STRN: variants seen among roughly 807,000 people sequenced by gnomAD.
STRN encodes protein phosphatase 2 regulatory subunit B'''alpha.
Under a neutral mutation model 96.3 loss-of-function variants are expected in STRN, and 53 were observed. That is an observed-to-expected ratio of 0.55 (90% confidence interval 0.44 to 0.69). The LOEUF is 0.69. Among genes scored for constraint, STRN ranks in the 30% least tolerant of loss-of-function variants. The probability of loss-of-function intolerance (pLI) is 0.00; values close to 1 mark genes in which losing one functional copy is unlikely to be tolerated. For synonymous variants in STRN, 428 were observed against 355.9 expected (o/e 1.20, Z -2.28); for missense variants, 987 against 963.9 (o/e 1.02, Z -0.32).
Position 36,877,889 on chromosome 2 carries a change from A to C in STRN, c.1323+2T>G. 1.9e-6 allele frequency: 3 copies of C among 1,612,584 alleles called. No homozygotes were observed. Among genetic ancestry groups the C allele is most frequent in the Non-Finnish European group, 2.5e-6 (3 of 1,179,604 alleles). On this transcript the variant is annotated splice_donor_variant, in intron 10 of 17. Transcript: ENST00000263918. LOFTEE classifies it high-confidence loss of function. Reference sequence around the variant, plus strand: ...CACAACAAAAACAAAACTACTACTTACATCATAAGTTAGTGAGTCTGCTTC... The same window carrying C: ...CACAACAAAAACAAAACTACTACTTCCATCATAAGTTAGTGAGTCTGCTTC...
intron 1 of STRN, among the ~76,000 whole-genome samples, chr2:36,958,556 G>A (rs1434237714): frequency 6.6e-6 from 1 of 152,066 alleles, no homozygotes; most frequent in Non-Finnish European, 1.5e-5. Context: ...CAACTGAAGA[G>A]AAAATTAATG....
intron 1 of STRN, among the ~76,000 whole-genome samples, chr2:36,942,179 T>C (rs1670862240): frequency 6.6e-6 from 1 of 152,184 alleles, no homozygotes; most frequent in South Asian, 2.1e-4. Context: ...ACAGACCTTT[T>C]TGTTGCTTTT....
chr2:36,861,017 G>A (rs1039089672), intron 13 of STRN, 115 bp downstream of exon 13: 8 of 1,220,800 alleles, frequency 6.6e-6, no homozygotes, highest in Non-Finnish European at 7.8e-6. Flanking sequence ...TAAAGATGTG[G>A]TTCTCTTTAC....
In STRN at chr2:36,839,478, A is replaced by T. The variant is rs767655247; in HGVS notation, c.*9978T>A. On this transcript the variant is annotated 3_prime_UTR_variant, in exon 18 of 18. Coordinates refer to ENST00000263918, the MANE Select transcript of STRN (RefSeq NM_003162.4). ...TAGAAGCTATCAGGAGTGTGACCGAACTACATGACCAGAAGTCTGTATTCA... is the reference window on the plus strand; with the variant it reads ...TAGAAGCTATCAGGAGTGTGACCGATCTACATGACCAGAAGTCTGTATTCA... Among the ~76,000 whole-genome samples, 3 of 152,174 alleles carry T rather than the reference A, an allele frequency of 2.0e-5. No homozygotes were observed. The highest frequency in any genetic ancestry group is 4.4e-5 in the Non-Finnish European group (3 of 68,036).
rs528657709 is a variant in STRN, at chr2:36,938,632, G to C, written c.235-13424C>G. Among the ~76,000 whole-genome samples, 73 of 152,222 alleles carry C rather than the reference G, an allele frequency of 4.8e-4. 1 individual carries two copies. The highest frequency in any genetic ancestry group is 4.3e-3 in the Admixed American group (65 of 15,286). ...AAAAGTGGTCTGCAGCGTTTTTACA[G>C]TGTTGTCAAACTTCAAGGTTATTAA... On this transcript the variant is annotated intron_variant, in intron 1 of 17. Coordinates refer to ENST00000263918, the MANE Select transcript of STRN (RefSeq NM_003162.4).
chr2:36,889,683 TCA>T (rs1469436045), intron 7 of STRN, among the ~76,000 whole-genome samples: 5 of 152,088 alleles, frequency 3.3e-5, no homozygotes, highest in Admixed American at 6.6e-5. Context: ...GTTTAAATGT[TCA>T]CTCAATTAGA....
At chr2:36,869,034 G>A (rs1330347423) in intron 11 of STRN, among the ~76,000 whole-genome samples, 2 of 152,218 alleles carry the variant, frequency 1.3e-5, no homozygotes, top group Non-Finnish European at 2.9e-5. Flanking sequence ...AGCACTAGCA[G>A]TCATGTTAGC....
intron 7 of STRN, among the ~76,000 whole-genome samples, chr2:36,891,968 C>CA (rs1266514424): frequency 1.3e-5 from 2 of 151,314 alleles, no homozygotes; most frequent in African/African-American, 4.9e-5. Flanking sequence ...AGAAATATAC[C>CA]AAAAAAATAG....
At chr2:36,937,979 C>T (rs1670749108) in intron 1 of STRN, among the ~76,000 whole-genome samples, 1 of 151,974 alleles carries the variant, frequency 6.6e-6, no homozygotes, top group South Asian at 2.1e-4. Flanking sequence ...AGCAAATAGG[C>T]TATGATCACA....
intron 3 of STRN, among the ~76,000 whole-genome samples, chr2:36,906,697 G>A (rs1023799918): frequency 1.4e-4 from 21 of 151,566 alleles, no homozygotes; most frequent in Admixed American, 5.9e-4. Flanking sequence ...AGGCCGAAGC[G>A]GGTGGATCAC....
At chr2:36,871,509 A>T (rs775275433) in intron 10 of STRN, among the ~76,000 whole-genome samples, 1 of 152,202 alleles carries the variant, frequency 6.6e-6, no homozygotes, top group Non-Finnish European at 1.5e-5. Flanking sequence ...ACAACAATGA[A>T]ATCACCTAAT....
chr2:36,885,880 A>C (rs1669209140), intron 8 of STRN, among the ~76,000 whole-genome samples: 1 of 152,126 alleles, frequency 6.6e-6, no homozygotes. Context: ...ATTACCATAA[A>C]AGGGAGGCCC....
chr2:36,842,136 C>A lies in STRN; in HGVS notation c.*7320G>T, dbSNP rs988174543. The A allele has an allele frequency of 1.3e-5, 2 of 152,186 alleles. No homozygotes were observed. Among genetic ancestry groups the A allele is most frequent in the Non-Finnish European group, 2.9e-5 (2 of 68,038 alleles). 9.4% of individuals were successfully genotyped at this position (152,186 alleles called of 1,614,324 possible). Reference sequence around the variant, plus strand: ...TTTAACATTTCGGCACATATACAAACCACAAGCTGTTTATTTCTACAACTC... The same window carrying A: ...TTTAACATTTCGGCACATATACAAAACACAAGCTGTTTATTTCTACAACTC... On this transcript the variant is annotated 3_prime_UTR_variant, in exon 18 of 18. Coordinates refer to ENST00000263918, the MANE Select transcript of STRN (RefSeq NM_003162.4).
chr2:36,907,821 A>C (rs1669862960), intron 3 of STRN, among the ~76,000 whole-genome samples: 1 of 152,182 alleles, frequency 6.6e-6, no homozygotes, highest in African/African-American at 2.4e-5. Flanking sequence ...AATAAGCATT[A>C]AATCTTCCAA....
At chr2:36,901,857 C>T (rs918372103) in intron 5 of STRN, among the ~76,000 whole-genome samples, 3 of 152,152 alleles carry the variant, frequency 2.0e-5, no homozygotes, top group Non-Finnish European at 4.4e-5. Context: ...CAGGAACTAT[C>T]TTCTTGCTAG....
chr2:36,945,648 G>A (rs1670961968), intron 1 of STRN, among the ~76,000 whole-genome samples: 1 of 151,902 alleles, frequency 6.6e-6, no homozygotes, highest in Non-Finnish European at 1.5e-5. Flanking sequence ...CCGGGCGACA[G>A]TGCAAGACTG....
chr2:36,963,774 T>C (rs191883009), intron 1 of STRN, among the ~76,000 whole-genome samples: 136 of 152,012 alleles, frequency 8.9e-4, no homozygotes, highest in African/African-American at 2.9e-3. Flanking sequence ...CTGGCCAACA[T>C]TGTGAAACCC....
At chr2:36,934,513 G>T (rs936341655) in intron 1 of STRN, among the ~76,000 whole-genome samples, 21 of 152,142 alleles carry the variant, frequency 1.4e-4, no homozygotes, top group African/African-American at 5.1e-4. Context: ...TTTGTTTATG[G>T]TTAGCTCCAA....
rs1334544928 is a variant in STRN at position 36,957,747 on chromosome 2, T to TTTG, written c.234+8482_234+8483insCAA. Among the ~76,000 whole-genome samples, 92 of 74,732 alleles carry TTTG rather than the reference T, an allele frequency of 1.2e-3. 2 individuals carry two copies. Among genetic ancestry groups the TTTG allele is most frequent in the South Asian group, 8.9e-3 (16 of 1,802 alleles). The allele number at this position is 74,732 out of a possible 152,430, so 49.0% of individuals were successfully genotyped here. ...GTCTCATAGTTCTTCTTTTTGTCTT[T>TTTG]TTTTTTTTTTTTTTTTTTTTTTTTT... is the stretch of plus-strand genomic sequence containing the variant. On this transcript the variant is annotated intron_variant, in intron 1 of 17. Transcript: ENST00000263918.
Sources: gnomAD v4.1 joint callset for allele counts (sites outside exome capture counted in the v4.1 genomes callset) on GRCh38, gnomAD v4.1.1 for gene constraint, MANE v1.5 for transcripts, NCBI Gene and HGNC (gene_info 2026-07-23, HGNC 2026-07-21) for gene names.